NUP93: variants seen among roughly 807,000 people sequenced by gnomAD.
NUP93 encodes the protein nucleoporin 93.
In NUP93, 55 loss-of-function variants were observed where a neutral mutation model predicts 107.8. The observed-to-expected ratio is 0.51, with a 90% CI of 0.41 to 0.64. The LOEUF (loss-of-function observed/expected upper bound fraction) is 0.64, where lower values mean the gene tolerates loss of function less well. NUP93 is among the 30% of genes least tolerant of loss of function. The pLI is 0.00. For missense variants in NUP93, 937 were observed against 1,044.7 expected (o/e 0.90, Z 1.42); for synonymous variants, 390 against 397.5 (o/e 0.98, Z 0.22).
chr16:56,798,899 G>GT (rs1814510804), intron 4 of NUP93, among the ~76,000 whole-genome samples: 2 of 151,702 alleles, frequency 1.3e-5, no homozygotes, highest in Non-Finnish European at 2.9e-5. Context: ...CAGATGAAGG[G>GT]TAGCAGTATA....
intron 1 of NUP93, among the ~76,000 whole-genome samples, chr16:56,733,011 C>CT (rs1356536946): frequency 6.6e-6 from 1 of 152,144 alleles, no homozygotes; most frequent in East Asian, 1.9e-4. Flanking sequence ...ATAGGTGGGA[C>CT]TTTCCCAGCT....
Position 56,752,668 on chromosome 16 carries a change from A to G in NUP93, c.179+4242A>G, listed in dbSNP as rs112277201. Among the ~76,000 whole-genome samples the G allele has an allele frequency of 2.8e-3, 427 of 152,332 alleles. 3 individuals carry two copies. The highest frequency in any genetic ancestry group is 9.7e-3 in the African/African-American group (404 of 41,586). ...GACAAGCTGATTCTAAAATCCATAT[A>G]GAGATACAAGAGACTTAGAATAGCC... is the stretch of plus-strand genomic sequence containing the variant. On this transcript the variant is annotated intron_variant, in intron 2 of 21. Coordinates refer to ENST00000308159, the MANE Select transcript of NUP93 (RefSeq NM_014669.5).
At chr16:56,754,156 A>C (rs115800763) in intron 2 of NUP93, among the ~76,000 whole-genome samples, 2 of 151,210 alleles carry the variant, frequency 1.3e-5, no homozygotes, top group Non-Finnish European at 1.5e-5. Flanking sequence ...ACGTACTCTT[A>C]AACAACCAAA....
chr16:56,812,444 T>A (rs1395617838), intron 5 of NUP93, among the ~76,000 whole-genome samples: 1 of 152,002 alleles, frequency 6.6e-6, no homozygotes, highest in Admixed American at 6.6e-5. Flanking sequence ...CCCGGGTTCG[T>A]GCCATTCTCC....
At chr16:56,819,020 A>G (rs1214209356) in intron 6 of NUP93, among the ~76,000 whole-genome samples, 2 of 152,244 alleles carry the variant, frequency 1.3e-5, no homozygotes, top group African/African-American at 2.4e-5. Context: ...GTAAAGCTTC[A>G]GGTAACTGCG....
Position 56,839,070 on chromosome 16 carries a change from G to A in NUP93, c.2136+1G>A. 6.2e-7 allele frequency: 1 copy of A among 1,603,144 alleles called. No individual in the cohort carries two copies. Among genetic ancestry groups the A allele is most frequent in the African/African-American group, 1.3e-5 (1 of 74,756 alleles). The stretch of plus-strand genomic sequence containing the variant: ...TGGTCATATTGATAGAGCTTTTGAT[G>A]TAAGTTTCAGGAAAGGTGTTTGAAG... On this transcript the variant is annotated splice_donor_variant, in intron 19 of 21. Coordinates refer to ENST00000308159, the MANE Select transcript of NUP93 (RefSeq NM_014669.5). LOFTEE classifies it high-confidence loss of function.
rs1964123900 is a variant in NUP93 at position 56,846,937 on chromosome 16, G to C, written c.*2328G>C. On this transcript the variant is annotated 3_prime_UTR_variant, in exon 22 of 22. Coordinates refer to ENST00000308159, the MANE Select transcript of NUP93 (RefSeq NM_014669.5). Reference sequence around the variant, plus strand: ...CCTGCAGTTCTACTTGTCTCAGAGAGAACTGCACACCAGCCCTGCATCCAG... The same window carrying C: ...CCTGCAGTTCTACTTGTCTCAGAGACAACTGCACACCAGCCCTGCATCCAG... 1 of 152,200 alleles carries C rather than the reference G, an allele frequency of 6.6e-6. No homozygotes were observed. The highest frequency in any genetic ancestry group is 1.5e-5 in the Non-Finnish European group (1 of 68,044). 9.4% of individuals were successfully genotyped at this position (152,200 alleles called of 1,614,324 possible).
At chr16:56,813,186 A>C (rs1279752421) in intron 5 of NUP93, among the ~76,000 whole-genome samples, 1 of 152,210 alleles carries the variant, frequency 6.6e-6, no homozygotes, top group African/African-American at 2.4e-5. Flanking sequence ...ATAGTCTCTA[A>C]TTTTGATAAC....
At chr16:56,822,554 C>T (rs1367385290) in intron 7 of NUP93, among the ~76,000 whole-genome samples, 5 of 46,818 alleles carry the variant, frequency 1.1e-4, no homozygotes, top group Non-Finnish European at 1.1e-4. Context: ...TTCTTTCTTT[C>T]TTTTCTTTTC....
chr16:56,819,581 TC>T (rs1289446033), intron 6 of NUP93, among the ~76,000 whole-genome samples: 8 of 152,086 alleles, frequency 5.3e-5, no homozygotes, highest in African/African-American at 1.7e-4. Context: ...CACCTCATCC[TC>T]CTCCAGCCTG....
intron 10 of NUP93, among the ~76,000 whole-genome samples, chr16:56,830,994 T>C (rs1168466377): frequency 6.6e-6 from 1 of 152,234 alleles, no homozygotes; most frequent in Non-Finnish European, 1.5e-5. Context: ...ACATCAAGGA[T>C]GCTTTATAAA....
At chr16:56,774,715 G>A (rs1319050462) in intron 3 of NUP93, among the ~76,000 whole-genome samples, 1 of 152,046 alleles carries the variant, frequency 6.6e-6, no homozygotes, top group African/African-American at 2.4e-5. Flanking sequence ...CTGGTGTGGT[G>A]GTATTTTCTC....
At chr16:56,758,327 A>G (rs1232405765) in intron 2 of NUP93, among the ~76,000 whole-genome samples, 2 of 152,196 alleles carry the variant, frequency 1.3e-5, no homozygotes, top group African/African-American at 4.8e-5. Flanking sequence ...TTAGAACTTG[A>G]ATCTGTTACT....
chr16:56,826,695 G>C (rs942398944), intron 8 of NUP93, among the ~76,000 whole-genome samples: 20 of 151,956 alleles, frequency 1.3e-4, no homozygotes, highest in African/African-American at 4.6e-4. Context: ...CTATTACCTT[G>C]TTGTATTTCT....
In NUP93 at chr16:56,836,634, A is replaced by G. The variant is rs888881866; in HGVS notation, c.1816A>G (p.Lys606Glu). ...CATAGATAAGTTTACTAGTGACACA[A>G]AGCCTATTATCAACAAAGTTGCTTC... ...GVIDKFTSDT[K>E]PIINKVASVA... The change falls in exon 17 of 22, where the codon AAG (lysine) becomes GAG (glutamate). Residue 606 changes from lysine (K) to glutamate (E), a missense_variant. By Grantham distance (56) the Lys-to-Glu change is moderately conservative (BLOSUM62 1). Coordinates refer to ENST00000308159, the MANE Select transcript of NUP93 (RefSeq NM_014669.5). 8.7e-6 allele frequency: 14 copies of G among 1,614,006 alleles called. No individual in the cohort carries two copies. Among genetic ancestry groups the G allele is most frequent in the Non-Finnish European group, 1.1e-5 (13 of 1,179,884 alleles).
intron 2 of NUP93, 110 bp from the exon 3 acceptor site, chr16:56,758,428 A>G: frequency 1.3e-6 from 1 of 786,980 alleles, no homozygotes; most frequent in Non-Finnish European, 2.2e-6. Flanking sequence ...GTATATAGGA[A>G]GTTTTGAATT....
intron 7 of NUP93, among the ~76,000 whole-genome samples, chr16:56,822,414 A>G (rs1963563600): frequency 6.7e-6 from 1 of 149,794 alleles, no homozygotes; most frequent in African/African-American, 2.5e-5. Context: ...CGAGAGGCTG[A>G]GGTGGGAGGA....
At chr16:56,783,469 G>T in intron 3 of NUP93, 1 of 985,360 alleles carries the variant, frequency 1.0e-6, no homozygotes, top group Non-Finnish European at 1.2e-6. Flanking sequence ...GCAAAGAATC[G>T]ATTTCTGAGA....
intron 1 of NUP93, among the ~76,000 whole-genome samples, chr16:56,738,872 G>A (rs1407632650): frequency 6.6e-6 from 1 of 150,458 alleles, no homozygotes; most frequent in South Asian, 2.1e-4. Flanking sequence ...CCATTCTTGT[G>A]TTTTACTCCT....
Sources: allele counts gnomAD v4.1 joint callset (sites outside exome capture counted in the v4.1 genomes callset), GRCh38; gene constraint gnomAD v4.1.1; transcripts MANE v1.5; gene names NCBI Gene and HGNC (gene_info 2026-07-23, HGNC 2026-07-21).